The following C3orf52 variants were observed in gnomAD, a reference collection of about 807,000 sequenced individuals.
C3orf52 encodes TPA-induced transmembrane protein.
In C3orf52, 22 loss-of-function variants were observed where a neutral mutation model predicts 24.8. The observed-to-expected ratio is 0.89, with a 90% CI of 0.63 to 1.27. The LOEUF (loss-of-function observed/expected upper bound fraction) is 1.27. Among genes scored for constraint, C3orf52 ranks in the 50% most tolerant of loss-of-function variants. The probability of loss-of-function intolerance (pLI) is 0.00; values close to 1 mark genes in which losing one functional copy is unlikely to be tolerated. For missense variants in C3orf52, 265 were observed against 260.7 expected (o/e 1.02, Z -0.11); for synonymous variants, 93 against 100.2 (o/e 0.93, Z 0.43).
rs749623172 is a variant in C3orf52, at chr3:112,125,289, T to A, written c.*47-2944T>A. On this transcript the variant is annotated intron_variant, in intron 4 of 4. Coordinates refer to the C3orf52 transcript ENST00000480282. ...GAAAATACACTCAATGAATTTCAGG[T>A]TATGGGGAGATTTGAAGGGAAGAGC... 26 of 1,486,756 alleles carry A rather than the reference T, an allele frequency of 1.7e-5. No individual in the cohort carries two copies. In the Admixed American group the frequency reaches 3.0e-4, roughly 17 times the overall value. 92.1% of individuals were successfully genotyped at this position (1,486,756 alleles called of 1,614,324 possible). A position where few individuals can be genotyped will look rare whatever the true frequency, so the allele number is the denominator to read the frequency against.
chr3:112,109,653 G>T lies in C3orf52; in HGVS notation c.467+40G>T, dbSNP rs770857041. The T allele has an allele frequency of 6.2e-6, 8 of 1,280,708 alleles. No individual in the cohort carries two copies. The Admixed American group carries it at 1.3e-4, about 20-fold the overall frequency. The allele number at this position is 1,280,708 out of a possible 1,614,324, so 79.3% of individuals were successfully genotyped here. A position where few individuals can be genotyped will look rare whatever the true frequency, so the allele number is the denominator to read the frequency against. On this transcript the variant is annotated intron_variant, in intron 4 of 5. Coordinates refer to ENST00000264848, the MANE Select transcript of C3orf52 (RefSeq NM_024616.3). ...CATTACATTTTGCTCTCTTTCTCTG[G>T]AAAGAGATCCCCCCACCCCACCCTT...
exon 5 of C3orf52, chr3:112,128,742 T>C (rs1223667952): frequency 6.2e-6 from 1 of 160,886 alleles, no homozygotes; most frequent in African/African-American, 2.4e-5. Flanking sequence ...TAACAGGACT[T>C]CTCTCTCTTA....
rs765422204 is a variant in C3orf52, at chr3:112,116,833, G to C, written c.*187G>C. ...CTCTAAGCCCAGTAAAACAGCTCCC[G>C]AGCACTGCTTCAGCTGGGTCCAGTC... On this transcript the variant is annotated 3_prime_UTR_variant, in exon 6 of 6. Transcript: ENST00000264848. 1.2e-5 allele frequency: 19 copies of C among 1,537,874 alleles called. No individual in the cohort carries two copies. The highest frequency in any genetic ancestry group is 1.7e-5 in the Non-Finnish European group (19 of 1,146,910).
chr3:112,098,190 G>T (rs930252042), intron 2 of C3orf52, among the ~76,000 whole-genome samples: 5 of 152,056 alleles, frequency 3.3e-5, no homozygotes, highest in African/African-American at 1.2e-4. Flanking sequence ...GTATCTATTG[G>T]TTCCCAATTT....
At chr3:112,112,600 C>A in intron 4 of C3orf52, 1 of 259,868 alleles carries the variant, frequency 3.8e-6, no homozygotes, top group South Asian at 5.2e-5. Flanking sequence ...GGGAGGCTTC[C>A]CTGGCTTGCC....
chr3:112,115,401 G>A (rs16859217), intron 5 of C3orf52, among the ~76,000 whole-genome samples: 18 of 152,112 alleles, frequency 1.2e-4, no homozygotes, highest in Non-Finnish European at 2.6e-4. Context: ...GAGTTCTTAC[G>A]CCAGTTTCTA....
At chr3:112,095,156 T>A (rs2073914437) in intron 2 of C3orf52, among the ~76,000 whole-genome samples, 1 of 152,192 alleles carries the variant, frequency 6.6e-6, no homozygotes, top group African/African-American at 2.4e-5. Context: ...TGTTCAGGTG[T>A]GTTGGATGAC....
chr3:112,126,585 C>T (rs562471782), intron 4 of C3orf52, among the ~76,000 whole-genome samples: 247 of 152,286 alleles, frequency 1.6e-3, no homozygotes, highest in Non-Finnish European at 2.8e-3. Flanking sequence ...GCCCCCGCCT[C>T]CCCACTGTGT....
At chr3:112,123,985 C>CCT (rs150721861) in intron 4 of C3orf52, among the ~76,000 whole-genome samples, 4,449 of 152,274 alleles carry the variant, frequency 0.029, 97 homozygotes, top group South Asian at 0.1. Context: ...TCAGGTGCAT[C>CCT]CTCTGCCCCT....
chr3:112,133,045 T>A (rs777622262), downstream of C3orf52: 55 of 1,586,112 alleles, frequency 3.5e-5, no homozygotes, highest in Non-Finnish European at 4.6e-5. Flanking sequence ...CTTGCTGTAT[T>A]GTCCTGTCCC....
intron 5 of C3orf52, among the ~76,000 whole-genome samples, chr3:112,115,542 G>T (rs972708592): frequency 1.3e-5 from 2 of 152,126 alleles, no homozygotes; most frequent in African/African-American, 4.8e-5. Flanking sequence ...TGGTTTGTGT[G>T]CTCCTTAGAG....
Position 112,113,658 on chromosome 3 carries a change from A to T in C3orf52, c.649+513A>T, listed in dbSNP as rs188703398. Among the ~76,000 whole-genome samples, 11 of 152,340 alleles carry T rather than the reference A, an allele frequency of 7.2e-5. No homozygotes were observed. In the East Asian group the frequency reaches 2.1e-3, roughly 29 times the overall value. On this transcript the variant is annotated intron_variant, in intron 5 of 5. Coordinates refer to ENST00000264848, the MANE Select transcript of C3orf52 (RefSeq NM_024616.3). ...TAGAGGGGTATACAAAGACAAGTTT[A>T]TTCCTTTCCTTAGAAAATTATGACA...
chr3:112,125,918 C>T (rs1431149983), intron 4 of C3orf52, among the ~76,000 whole-genome samples: 1 of 152,176 alleles, frequency 6.6e-6, no homozygotes, highest in African/African-American at 2.4e-5. Context: ...AAACTGACAC[C>T]CTTGCTACCC....
chr3:112,093,958 T>A (rs1485330326), intron 2 of C3orf52, among the ~76,000 whole-genome samples: 1 of 152,154 alleles, frequency 6.6e-6, no homozygotes, highest in Non-Finnish European at 1.5e-5. Flanking sequence ...TGAAGAACCA[T>A]GTGTCCATAA....
At chr3:112,128,438 A>G (rs1020935032) in exon 5 of C3orf52, 7 of 367,618 alleles carry the variant, frequency 1.9e-5, no homozygotes, top group African/African-American at 1.1e-4. Flanking sequence ...GGGTTAGGCA[A>G]TATCAGTATT....
chr3:112,101,572 A>C (rs2073972079), intron 2 of C3orf52, among the ~76,000 whole-genome samples: 2 of 152,108 alleles, frequency 1.3e-5, no homozygotes, highest in Admixed American at 6.5e-5. Context: ...GACACCAGCC[A>C]GGACCAATTT....
intron 4 of C3orf52, chr3:112,127,137 A>G (rs1332096829): frequency 1.0e-5 from 7 of 683,002 alleles, no homozygotes; most frequent in Non-Finnish European, 1.7e-5. Context: ...AAAGTTATAT[A>G]CCTTTTATAA....
chr3:112,098,226 T>C (rs2107778694), intron 2 of C3orf52, among the ~76,000 whole-genome samples: 1 of 152,342 alleles, frequency 6.6e-6, no homozygotes, highest in Non-Finnish European at 1.5e-5. Context: ...CTAGCAATTG[T>C]CTGATCGTGG....
In C3orf52 at chr3:112,093,516, A is replaced by C. The variant is rs201346804; in HGVS notation, c.268+27A>C. ...TAAGAGGATTTAGATGTGAATAAAT[A>C]ACACATTTTAAGAACTTACTTAAGG... On this transcript the variant is annotated intron_variant, in intron 2 of 5. Transcript: ENST00000264848. 1.9e-6 allele frequency: 3 copies of C among 1,597,724 alleles called. No homozygotes were observed. The Admixed American group carries it at 5.1e-5, about 27-fold the overall frequency.
Sources: allele counts gnomAD v4.1 joint callset (sites outside exome capture counted in the v4.1 genomes callset), GRCh38; gene constraint gnomAD v4.1.1; transcripts MANE v1.5; gene names NCBI Gene and HGNC (gene_info 2026-07-23, HGNC 2026-07-21).